Variants in KIAA1217 observed in about 807,000 individuals in gnomAD.
The protein encoded by KIAA1217 is KIAA1217.
KIAA1217 carries 88 observed loss-of-function variants against 163.9 expected under a neutral mutation model. The observed-to-expected ratio is 0.54, with a 90% CI of 0.45 to 0.64. The LOEUF (loss-of-function observed/expected upper bound fraction) is 0.64. Ranked by LOEUF, KIAA1217 falls within the 30% of genes least tolerant of loss-of-function variation. The probability of loss-of-function intolerance (pLI) is 0.00; values close to 1 mark genes in which losing one functional copy is unlikely to be tolerated. For missense variants in KIAA1217, 2,372 were observed against 2,475.0 expected (o/e 0.96, Z 0.88); for synonymous variants, 903 against 923.1 (o/e 0.98, Z 0.39).
chr10:24,342,905 C>G (rs990514901), intron 2 of KIAA1217, among the ~76,000 whole-genome samples: 1 of 152,094 alleles, frequency 6.6e-6, no homozygotes, highest in African/African-American at 2.4e-5. Flanking sequence ...GATCCGCCGA[C>G]CTCTGCCTCC....
chr10:23,801,294 G>T lies in KIAA1217; in HGVS notation c.-321+106060G>T, dbSNP rs185374234. 7.2e-4 allele frequency among the ~76,000 whole-genome samples: 109 copies of T among 152,276 alleles called. 2 individuals are homozygous for T. The highest frequency in any genetic ancestry group is 3.5e-3 in the Admixed American group (53 of 15,296). ...GAACAATGAGAACACATGAACAGAG[G>T]CAGGGGAACATAACACACTGGGGCC... On this transcript the variant is annotated intron_variant, in intron 1 of 18. Coordinates refer to the KIAA1217 transcript ENST00000376462.
chr10:23,845,175 G>A (rs987502183), intron 1 of KIAA1217, among the ~76,000 whole-genome samples: 2 of 152,110 alleles, frequency 1.3e-5, no homozygotes, highest in Non-Finnish European at 2.9e-5. Context: ...CTTTGCTATT[G>A]TGAACAGTGC....
At chr10:24,070,299 G>A (rs11013878) in intron 2 of KIAA1217, among the ~76,000 whole-genome samples, 33,569 of 149,732 alleles carry the variant, frequency 0.22, 7,086 homozygotes, top group African/African-American at 0.58. Flanking sequence ...AAAAAAAAAA[G>A]AGATATTAAT....
chr10:24,136,201 T>A (rs2131820289), intron 2 of KIAA1217, among the ~76,000 whole-genome samples: 1 of 152,258 alleles, frequency 6.6e-6, no homozygotes. Flanking sequence ...CATCTCTGTA[T>A]GCTCTGGAGG....
chr10:24,533,040 AC>A, intron 15 of KIAA1217, 29 bp from the exon 16 acceptor site: 1 of 1,583,854 alleles, frequency 6.3e-7, no homozygotes, highest in East Asian at 2.3e-5. Context: ...GAGATGTTAA[AC>A]CACTATCTGT....
intron 1 of KIAA1217, among the ~76,000 whole-genome samples, chr10:23,959,502 A>G (rs972945535): frequency 2.6e-5 from 4 of 152,214 alleles, no homozygotes; most frequent in African/African-American, 4.8e-5. Flanking sequence ...TAACAGAGTG[A>G]GACCTTGTCT....
At chr10:24,064,978 G>C (rs1256204576) in intron 2 of KIAA1217, among the ~76,000 whole-genome samples, 1 of 152,042 alleles carries the variant, frequency 6.6e-6, no homozygotes, top group Non-Finnish European at 1.5e-5. Flanking sequence ...CTGTGGGATC[G>C]GTGGTGATAT....
At chr10:23,852,729 A>G (rs1401909618) in intron 1 of KIAA1217, among the ~76,000 whole-genome samples, 1 of 152,082 alleles carries the variant, frequency 6.6e-6, no homozygotes, top group Non-Finnish European at 1.5e-5. Flanking sequence ...GAGGTCCTTC[A>G]CGTCCCTTGT....
intron 6 of KIAA1217, among the ~76,000 whole-genome samples, chr10:24,493,116 A>G (rs954981685): frequency 2.0e-5 from 3 of 152,138 alleles, no homozygotes; most frequent in Admixed American, 6.5e-5. Context: ...AAAGTGCTGG[A>G]ATTACAGGCA....
chr10:24,095,800 C>T (rs1024283626), intron 2 of KIAA1217, among the ~76,000 whole-genome samples: 7 of 152,146 alleles, frequency 4.6e-5, no homozygotes, highest in African/African-American at 1.7e-4. Context: ...CCAATGTGTA[C>T]TAGATTGTCC....
intron 2 of KIAA1217, among the ~76,000 whole-genome samples, chr10:24,123,971 T>G (rs145976359): frequency 5.3e-5 from 8 of 152,310 alleles, no homozygotes; most frequent in Non-Finnish European, 7.4e-5. Context: ...ATATATGATT[T>G]GCAAATATCG....
chr10:24,085,146 C>A lies in KIAA1217; in HGVS notation c.-171+77772C>A, dbSNP rs528385671. Among the ~76,000 whole-genome samples, 71 of 152,180 alleles carry A rather than the reference C, an allele frequency of 4.7e-4. 1 individual carries two copies. Among genetic ancestry groups the A allele is most frequent in the African/African-American group, 1.6e-3 (67 of 41,544 alleles). On this transcript the variant is annotated intron_variant, in intron 2 of 18. Coordinates refer to the KIAA1217 transcript ENST00000376462. ...AGCCAGGATGGTCTCGATCTCCTGA[C>A]CGCGTGATCCGCCTGCCTCAGCCTC...
chr10:24,321,364 C>G (rs903207342), intron 2 of KIAA1217, among the ~76,000 whole-genome samples: 2 of 152,050 alleles, frequency 1.3e-5, no homozygotes, highest in Non-Finnish European at 1.5e-5. Flanking sequence ...CATACCAAAA[C>G]CCCATCTCTA....
At chr10:24,406,429 A>G (rs1295831036) in intron 3 of KIAA1217, among the ~76,000 whole-genome samples, 1 of 150,596 alleles carries the variant, frequency 6.6e-6, no homozygotes, top group Non-Finnish European at 1.5e-5. Flanking sequence ...ACCATACAGG[A>G]TGAACACACA....
chr10:24,227,805 T>G lies in KIAA1217; in HGVS notation c.354+7896T>G, dbSNP rs181712208. 1.3e-3 allele frequency among the ~76,000 whole-genome samples: 201 copies of G among 152,268 alleles called. 3 individuals are homozygous for G. The highest frequency in any genetic ancestry group is 8.8e-3 in the Admixed American group (134 of 15,298). ...CCTCGGCCTCCCAAAGTGCTGGGAT[T>G]ACAGGCGTGAGCCACTGCGCCCGGC... On this transcript the variant is annotated intron_variant, in intron 2 of 20. Transcript: ENST00000376454.
chr10:23,902,641 C>G (rs1246746731), intron 1 of KIAA1217, among the ~76,000 whole-genome samples: 1 of 152,102 alleles, frequency 6.6e-6, no homozygotes, highest in African/African-American at 2.4e-5. Context: ...ATTAAAAGAG[C>G]TTATACTAGT....
At chr10:24,138,573 T>C (rs1010256542) in intron 2 of KIAA1217, among the ~76,000 whole-genome samples, 2 of 149,344 alleles carry the variant, frequency 1.3e-5, no homozygotes, top group African/African-American at 4.9e-5. Context: ...CAGTTTTCTA[T>C]AAAATGGATA....
intron 1 of KIAA1217, among the ~76,000 whole-genome samples, chr10:23,996,630 T>C (rs1846497068): frequency 1.3e-5 from 2 of 152,312 alleles, no homozygotes; most frequent in South Asian, 4.1e-4. Flanking sequence ...GCATTTTCCA[T>C]GAAGATCCTA....
At chr10:24,176,985 G>T (rs2065923354) in intron 2 of KIAA1217, among the ~76,000 whole-genome samples, 1 of 151,964 alleles carries the variant, frequency 6.6e-6, no homozygotes, top group Non-Finnish European at 1.5e-5. Flanking sequence ...GTCCCTCACT[G>T]CCCGGGGCCG....
Sources: allele counts gnomAD v4.1 joint callset (sites outside exome capture counted in the v4.1 genomes callset), GRCh38; gene constraint gnomAD v4.1.1; transcripts MANE v1.5; gene names NCBI Gene and HGNC (gene_info 2026-07-23, HGNC 2026-07-21).